The following ZNRF3 variants were observed in gnomAD, a reference collection of about 807,000 sequenced individuals.
ZNRF3 encodes the protein zinc and ring finger 3, also known as E3 ubiquitin-protein ligase ZNRF3.
ZNRF3 carries 23 observed loss-of-function variants against 72.5 expected under a neutral mutation model. The observed-to-expected ratio is 0.32, with a 90% confidence interval of 0.23 to 0.45. The LOEUF (loss-of-function observed/expected upper bound fraction) is 0.45. Among genes scored for constraint, ZNRF3 ranks in the 20% least tolerant of loss-of-function variants. The pLI is 1.00. For synonymous variants in ZNRF3, 610 were observed against 545.3 expected (o/e 1.12, Z -1.65); for missense variants, 1,169 against 1,272.1 (o/e 0.92, Z 1.23).
intron 2 of ZNRF3, among the ~76,000 whole-genome samples, chr22:29,013,409 A>G (rs1040141613): frequency 6.6e-6 from 1 of 152,252 alleles, no homozygotes; most frequent in Non-Finnish European, 1.5e-5. Flanking sequence ...GGAAACAGGT[A>G]CATCAAGGAC....
intron 2 of ZNRF3, among the ~76,000 whole-genome samples, chr22:28,997,700 G>A (rs2036068191): frequency 6.6e-6 from 1 of 152,026 alleles, no homozygotes; most frequent in Non-Finnish European, 1.5e-5. Flanking sequence ...TCTGTAAAGT[G>A]AATTCTGATA....
At chr22:29,039,766 G>A (rs2036926139) in intron 2 of ZNRF3, among the ~76,000 whole-genome samples, 1 of 127,424 alleles carries the variant, frequency 7.8e-6, no homozygotes, top group South Asian at 2.6e-4. Context: ...GGGCAACATA[G>A]TGAGACCTCG....
chr22:29,052,842 T>G (rs1174851123), intron 8 of ZNRF3, among the ~76,000 whole-genome samples: 1 of 152,152 alleles, frequency 6.6e-6, no homozygotes, highest in East Asian at 1.9e-4. Flanking sequence ...TTTTTTTTAA[T>G]TAGCTGGGCA....
intron 1 of ZNRF3, among the ~76,000 whole-genome samples, chr22:28,962,542 G>T (rs2035382300): frequency 6.6e-6 from 1 of 152,174 alleles, no homozygotes. Context: ...GGTGCTACAG[G>T]CAGGCCATGA....
chr22:28,962,861 A>G (rs1263454341), intron 1 of ZNRF3, among the ~76,000 whole-genome samples: 4 of 152,248 alleles, frequency 2.6e-5, no homozygotes, highest in African/African-American at 9.6e-5. Context: ...GCAGTGTTAT[A>G]GGCAGGGGTC....
intron 1 of ZNRF3, among the ~76,000 whole-genome samples, chr22:28,893,876 A>G (rs2033941800): frequency 6.6e-6 from 1 of 152,178 alleles, no homozygotes; most frequent in Non-Finnish European, 1.5e-5. Flanking sequence ...GGCTTTTGCT[A>G]CATATTTTTA....
In ZNRF3 at chr22:29,053,880, G is replaced by A; in HGVS notation, c.*258G>A. On this transcript the variant is annotated 3_prime_UTR_variant, in exon 9 of 9. Coordinates refer to ENST00000544604, the MANE Select transcript of ZNRF3 (RefSeq NM_001206998.2). ...CATGTTGTTCTGTTTTGTAAAGTGT[G>A]TGTGCTTGGGGTTCCGAGGTGTGGG... 1 of 341,968 alleles carries A rather than the reference G, an allele frequency of 2.9e-6. No homozygotes were observed. Among genetic ancestry groups the A allele is most frequent in the South Asian group, 8.7e-5 (1 of 11,560 alleles). 21.2% of individuals were successfully genotyped at this position (341,968 alleles called of 1,614,324 possible).
At chr22:28,950,879 G>T (rs570019775) in intron 1 of ZNRF3, among the ~76,000 whole-genome samples, 2 of 152,258 alleles carry the variant, frequency 1.3e-5, no homozygotes, top group East Asian at 1.9e-4. Context: ...TGTATTTTGC[G>T]CCTTGTCCTC....
At chr22:28,906,959 A>G (rs1284098430) in intron 1 of ZNRF3, among the ~76,000 whole-genome samples, 1 of 150,566 alleles carries the variant, frequency 6.6e-6, no homozygotes, top group Non-Finnish European at 1.5e-5. Context: ...ATTTTCACGG[A>G]GTCATTTTCT....
intron 1 of ZNRF3, among the ~76,000 whole-genome samples, chr22:28,916,237 A>AT (rs2034405502): frequency 6.6e-6 from 1 of 151,612 alleles, no homozygotes; most frequent in Non-Finnish European, 1.5e-5. Flanking sequence ...AATTTTGTTT[A>AT]TTTTTTTGTA....
At chr22:28,972,706 C>T (rs983593818) in intron 1 of ZNRF3, among the ~76,000 whole-genome samples, 6 of 152,208 alleles carry the variant, frequency 3.9e-5, no homozygotes, top group Non-Finnish European at 8.8e-5. Flanking sequence ...AAAGTGGCTG[C>T]TCCATTCTGC....
intron 1 of ZNRF3, among the ~76,000 whole-genome samples, chr22:28,892,770 T>G (rs2033913563): frequency 6.6e-6 from 1 of 152,164 alleles, no homozygotes; most frequent in Non-Finnish European, 1.5e-5. Context: ...AAACTCAGTA[T>G]AGAGTTTGAT....
At chr22:28,944,305 C>G (rs16986857) in intron 1 of ZNRF3, among the ~76,000 whole-genome samples, 2,177 of 149,174 alleles carry the variant, frequency 0.015, 57 homozygotes, top group African/African-American at 0.052. Context: ...TAGAGGAGAG[C>G]TACTTAAAGA....
intron 2 of ZNRF3, among the ~76,000 whole-genome samples, chr22:28,994,107 G>A (rs1172415183): frequency 6.6e-6 from 1 of 150,582 alleles, no homozygotes; most frequent in East Asian, 1.9e-4. Flanking sequence ...CACTAAACCA[G>A]GTGTTGACTC....
At chr22:29,007,003 T>A (rs1223682901) in intron 2 of ZNRF3, among the ~76,000 whole-genome samples, 2 of 152,252 alleles carry the variant, frequency 1.3e-5, no homozygotes, top group Non-Finnish European at 2.9e-5. Flanking sequence ...GTGTCATGAT[T>A]GCATTCCTAC....
rs1289527726 is a variant in ZNRF3 at position 29,046,775 on chromosome 22, C to G, written c.804C>G (p.Asn268Lys). ...AGAAGATGGAAACCAGAAAGTTCAA[C>G]TCCAAGAGCAAGGGGCGCCGGGAGG... ...ALEKMETRKF[N>K]SKSKGRREGS... Residue 268 changes from asparagine (N) to lysine (K), a missense_variant, in exon 6 of 9, where the codon AAC becomes AAG. This residue lies in a region of ZNRF3 where 386 missense variants were observed against 540.7 expected (regional missense o/e 0.71). Coordinates refer to ENST00000544604, the MANE Select transcript of ZNRF3 (RefSeq NM_001206998.2). 6.2e-7 allele frequency: 1 copy of G among 1,611,954 alleles called. No homozygotes were observed. Among genetic ancestry groups the G allele is most frequent in the Non-Finnish European group, 8.5e-7 (1 of 1,179,046 alleles).
intron 1 of ZNRF3, among the ~76,000 whole-genome samples, chr22:28,899,911 G>A (rs962432295): frequency 6.6e-5 from 10 of 151,946 alleles, no homozygotes; most frequent in African/African-American, 2.2e-4. Flanking sequence ...GGCTAGTCTC[G>A]AACTCTTGGG....
rs574474889 is a variant in ZNRF3 at position 28,963,297 on chromosome 22, TCACAGGCTATAGC to T, written c.301-23769_301-23757del. Among the ~76,000 whole-genome samples, 17 of 152,310 alleles carry T rather than the reference TCACAGGCTATAGC, an allele frequency of 1.1e-4. No homozygotes were observed. In the East Asian group the frequency reaches 3.3e-3, roughly 29 times the overall value. ...ACAGTGACTTGGGTTCTTTAAGGGC[TCACAGGCTATAGC>T]CACAGGCTACAGATTCACCTCATTG... On this transcript the variant is annotated intron_variant, in intron 1 of 8. Transcript: ENST00000544604.
chr22:28,937,484 T>A (rs1222508299), intron 1 of ZNRF3, among the ~76,000 whole-genome samples: 1 of 152,134 alleles, frequency 6.6e-6, no homozygotes, highest in Non-Finnish European at 1.5e-5. Context: ...GCAAGTTTCA[T>A]TGTTCTATTA....
Sources: gnomAD v4.1 joint callset for allele counts (sites outside exome capture counted in the v4.1 genomes callset) on GRCh38, gnomAD v4.1.1 for gene constraint, gnomAD v4.1.1 regional missense constraint, MANE v1.5 for transcripts, NCBI Gene and HGNC (gene_info 2026-07-23, HGNC 2026-07-21) for gene names.